ADAMTSL1: variants seen among roughly 807,000 people sequenced by gnomAD.
ADAMTSL1 encodes ADAMTS-like protein 1.
In ADAMTSL1, 126 loss-of-function variants were observed where a neutral mutation model predicts 201.8. The ratio of observed to expected loss-of-function variants is 0.62; its 90% CI spans 0.54 to 0.72. The LOEUF (loss-of-function observed/expected upper bound fraction) is 0.72. Ranked by LOEUF, ADAMTSL1 falls within the 30% of genes least tolerant of loss-of-function variation. The pLI is 0.00. For synonymous variants in ADAMTSL1, 1,121 were observed against 903.4 expected (o/e 1.24, Z -4.32); for missense variants, 2,679 against 2,277.8 (o/e 1.18, Z -3.59).
chr9:18,110,354 C>T (rs1824951625), intron 1 of ADAMTSL1, among the ~76,000 whole-genome samples: 1 of 145,012 alleles, frequency 6.9e-6, no homozygotes, highest in Admixed American at 6.7e-5. Flanking sequence ...AACTGTGGCC[C>T]AGCGAATGCT....
intron 1 of ADAMTSL1, among the ~76,000 whole-genome samples, chr9:17,976,694 C>T (rs2131448416): frequency 6.6e-6 from 1 of 151,526 alleles, no homozygotes; most frequent in East Asian, 1.9e-4. Context: ...CTCTCTCTTG[C>T]TCTCGCTCTC....
At chr9:18,209,196 G>T (rs561257720) in intron 2 of ADAMTSL1, among the ~76,000 whole-genome samples, 2 of 152,106 alleles carry the variant, frequency 1.3e-5, no homozygotes, top group East Asian at 3.9e-4. Flanking sequence ...TATATGTTTT[G>T]CTTACAGTTG....
chr9:17,930,699 G>A (rs1826746823), intron 1 of ADAMTSL1, among the ~76,000 whole-genome samples: 1 of 152,138 alleles, frequency 6.6e-6, no homozygotes, highest in Non-Finnish European at 1.5e-5. Context: ...AGGAGTGTGA[G>A]TTTTGTTTGT....
At chr9:18,214,476 C>T (rs72684916) in intron 2 of ADAMTSL1, among the ~76,000 whole-genome samples, 10 of 152,068 alleles carry the variant, frequency 6.6e-5, no homozygotes, top group African/African-American at 2.4e-4. Flanking sequence ...TTGAAATTGA[C>T]CTTAAAGCTA....
intron 26 of ADAMTSL1, among the ~76,000 whole-genome samples, chr9:18,904,883 C>T (rs1252673812): frequency 6.6e-6 from 1 of 151,912 alleles, no homozygotes; most frequent in Non-Finnish European, 1.5e-5. Flanking sequence ...TTAAATCCTG[C>T]TCTTTCAGTG....
intron 1 of ADAMTSL1, among the ~76,000 whole-genome samples, chr9:18,024,789 G>C (rs1820625483): frequency 6.6e-6 from 1 of 152,124 alleles, no homozygotes; most frequent in Non-Finnish European, 1.5e-5. Context: ...ACCCAGTAAT[G>C]GGATTGCTGG....
chr9:18,614,282 G>C (rs939556995), intron 4 of ADAMTSL1, among the ~76,000 whole-genome samples: 4 of 152,058 alleles, frequency 2.6e-5, no homozygotes, highest in Non-Finnish European at 5.9e-5. Context: ...CTCGTTCTGC[G>C]TGTCTCTTCA....
At position 18,663,508 on chromosome 9, in the gene ADAMTSL1, A is replaced by G. The variant is rs181625403; in HGVS notation, c.1085+1435A>G. On this transcript the variant is annotated intron_variant, in intron 9 of 28. Coordinates refer to ENST00000380548, the MANE Select transcript of ADAMTSL1 (RefSeq NM_001040272.6). Reference sequence around the variant, plus strand: ...GTTATAACCCATGCAATTTGATTTCATTTTAAAATTATTCTACTTATATAT... The same window carrying G: ...GTTATAACCCATGCAATTTGATTTCGTTTTAAAATTATTCTACTTATATAT... Among the ~76,000 whole-genome samples the G allele has an allele frequency of 2.3e-3, 347 of 152,254 alleles. 2 individuals are homozygous for G. The highest frequency in any genetic ancestry group is 0.014 in the South Asian group (70 of 4,832).
upstream of ADAMTSL1, among the ~76,000 whole-genome samples, chr9:18,470,965 G>A (rs774472898): frequency 3.9e-5 from 6 of 152,122 alleles, no homozygotes; most frequent in African/African-American, 7.2e-5. Flanking sequence ...TTTTAATTTA[G>A]ATACCTGAAG....
At chr9:18,604,767 G>T (rs1345959930) in intron 4 of ADAMTSL1, among the ~76,000 whole-genome samples, 1 of 152,164 alleles carries the variant, frequency 6.6e-6, no homozygotes, top group Non-Finnish European at 1.5e-5. Flanking sequence ...CTTGTAGGTA[G>T]ATAGGCGCAA....
chr9:17,948,400 T>C (rs985851960), intron 1 of ADAMTSL1, among the ~76,000 whole-genome samples: 1 of 152,212 alleles, frequency 6.6e-6, no homozygotes, highest in African/African-American at 2.4e-5. Flanking sequence ...CTTTCACAGT[T>C]AAGGCATGTG....
At position 18,099,355 on chromosome 9, in the gene ADAMTSL1, A is replaced by ATATATATATATATAT. The variant is rs1239180390; in HGVS notation, c.88-64506_88-64505insATATATATATATATT. On this transcript the variant is annotated intron_variant, in intron 1 of 29. Transcript: ENST00000680146. ...TATATATATATATATATATATATAT[A>ATATATATATATATAT]TTTTTTTTTTTTTTTTTAACATCCA... is the stretch of plus-strand genomic sequence containing the variant. Among the ~76,000 whole-genome samples, 36 of 45,540 alleles carry ATATATATATATATAT rather than the reference A, an allele frequency of 7.9e-4. 1 individual carries two copies. The highest frequency in any genetic ancestry group is 1.1e-3 in the Non-Finnish European group (27 of 24,554). The allele number at this position is 45,540 out of a possible 152,430, so 29.9% of individuals were successfully genotyped here.
intron 1 of ADAMTSL1, among the ~76,000 whole-genome samples, chr9:17,917,606 A>C (rs1222009202): frequency 1.3e-5 from 2 of 152,110 alleles, no homozygotes; most frequent in Admixed American, 6.5e-5. Context: ...TTTGTTTAGA[A>C]TTTTTACATC....
chr9:17,961,228 C>T (rs1418597818), intron 1 of ADAMTSL1, among the ~76,000 whole-genome samples: 2 of 151,962 alleles, frequency 1.3e-5, no homozygotes, highest in Non-Finnish European at 2.9e-5. Context: ...GGTACAATAA[C>T]TTTTCATGGA....
chr9:18,631,867 T>C (rs1587747400), intron 5 of ADAMTSL1, among the ~76,000 whole-genome samples: 1 of 152,230 alleles, frequency 6.6e-6, no homozygotes, highest in East Asian at 1.9e-4. Context: ...ATTTTGTTCA[T>C]TGAATGGAGA....
chr9:18,013,229 C>CA (rs1820126864), intron 1 of ADAMTSL1, among the ~76,000 whole-genome samples: 1 of 151,940 alleles, frequency 6.6e-6, no homozygotes, highest in Non-Finnish European at 1.5e-5. Flanking sequence ...ATGTGGCTTG[C>CA]AGAGCACTTT....
At chr9:18,246,297 A>C (rs780551084) in intron 2 of ADAMTSL1, among the ~76,000 whole-genome samples, 1 of 152,128 alleles carries the variant, frequency 6.6e-6, no homozygotes, top group African/African-American at 2.4e-5. Flanking sequence ...ATTCTCTGTG[A>C]ACCACAATAA....
intron 1 of ADAMTSL1, among the ~76,000 whole-genome samples, chr9:18,160,114 AT>A (rs1304303009): frequency 1.3e-5 from 2 of 152,002 alleles, no homozygotes; most frequent in Non-Finnish European, 2.9e-5. Context: ...ATACAATTCT[AT>A]TCTGGAAGCT....
chr9:17,938,842 T>G (rs1827115771), intron 1 of ADAMTSL1, among the ~76,000 whole-genome samples: 1 of 152,164 alleles, frequency 6.6e-6, no homozygotes, highest in East Asian at 1.9e-4. Context: ...TTCCTGACTT[T>G]CCATGGCTTT....
Sources: allele counts gnomAD v4.1 joint callset (sites outside exome capture counted in the v4.1 genomes callset), GRCh38; gene constraint gnomAD v4.1.1; transcripts MANE v1.5; gene names NCBI Gene and HGNC (gene_info 2026-07-23, HGNC 2026-07-21).